The following TMEM132D variants were observed in gnomAD, a reference collection of about 807,000 sequenced individuals.
TMEM132D encodes mature OL transmembrane protein.
A neutral mutation model predicts 62.3 loss-of-function variants in TMEM132D; 21 were observed. That is an observed-to-expected ratio of 0.34 (90% CI 0.24 to 0.49). The LOEUF is 0.49. TMEM132D is among the 20% of genes least tolerant of loss of function. TMEM132D has a pLI of 0.99. For synonymous variants in TMEM132D, 621 were observed against 575.6 expected (o/e 1.08, Z -1.13); for missense variants, 1,346 against 1,402.8 (o/e 0.96, Z 0.65).
At chr12:129,244,629 T>TTTTGTTTTGA (rs1437301517) in intron 4 of TMEM132D, among the ~76,000 whole-genome samples, 3 of 148,942 alleles carry the variant, frequency 2.0e-5, no homozygotes, top group Non-Finnish European at 4.4e-5. Flanking sequence ...TTTGTTTTAT[T>TTTTGTTTTGA]TTTGTTTTGT....
intron 1 of TMEM132D, among the ~76,000 whole-genome samples, chr12:129,765,110 T>G (rs1870508594): frequency 6.6e-6 from 1 of 152,178 alleles, no homozygotes; most frequent in Non-Finnish European, 1.5e-5. Flanking sequence ...GGCCTGTGAT[T>G]ATCTAAAGGT....
intron 1 of TMEM132D, among the ~76,000 whole-genome samples, chr12:129,789,999 G>A (rs1430483371): frequency 2.0e-5 from 3 of 152,302 alleles, no homozygotes; most frequent in Admixed American, 6.5e-5. Context: ...ACCCCTTTGC[G>A]GAAGGGAACT....
At chr12:129,319,457 T>C (rs1390486736) in intron 4 of TMEM132D, among the ~76,000 whole-genome samples, 1 of 152,188 alleles carries the variant, frequency 6.6e-6, no homozygotes, top group East Asian at 1.9e-4. Context: ...ATTCGGGGTG[T>C]CTCCTGATCC....
chr12:129,634,310 G>A (rs970712148), intron 2 of TMEM132D, among the ~76,000 whole-genome samples: 3 of 124,954 alleles, frequency 2.4e-5, no homozygotes, highest in Admixed American at 1.6e-4. Flanking sequence ...CTGTCTATAC[G>A]TTAAAAAAAA....
intron 1 of TMEM132D, among the ~76,000 whole-genome samples, chr12:129,745,414 G>T (rs566866893): frequency 5.9e-5 from 9 of 152,278 alleles, no homozygotes; most frequent in African/African-American, 2.2e-4. Flanking sequence ...GATCTGGGGG[G>T]TTGATGCCTA....
intron 4 of TMEM132D, among the ~76,000 whole-genome samples, chr12:129,238,947 C>T (rs943942010): frequency 2.6e-5 from 4 of 151,376 alleles, no homozygotes; most frequent in Non-Finnish European, 5.9e-5. Context: ...ACCAATAGTG[C>T]ACAAGACTTT....
At chr12:129,181,279 C>T (rs980835588) in intron 5 of TMEM132D, among the ~76,000 whole-genome samples, 2 of 152,202 alleles carry the variant, frequency 1.3e-5, no homozygotes, top group African/African-American at 4.8e-5. Flanking sequence ...AACATCCCAT[C>T]AGTCATCAAA....
At chr12:129,159,665 G>C (rs1172771351) in intron 5 of TMEM132D, among the ~76,000 whole-genome samples, 2 of 149,374 alleles carry the variant, frequency 1.3e-5, no homozygotes, top group Admixed American at 1.4e-4. Flanking sequence ...GGTGGCTAAG[G>C]CATGAGAATC....
chr12:129,603,910 G>A (rs1878547750), intron 2 of TMEM132D, among the ~76,000 whole-genome samples: 2 of 152,144 alleles, frequency 1.3e-5, no homozygotes, highest in South Asian at 4.2e-4. Flanking sequence ...CAAAGACTTG[G>A]AACCAACCCA....
At chr12:129,783,985 C>T (rs571955369) in intron 1 of TMEM132D, among the ~76,000 whole-genome samples, 1 of 152,284 alleles carries the variant, frequency 6.6e-6, no homozygotes, top group Admixed American at 6.5e-5. Context: ...ATCCCGTTCC[C>T]TCTTCCAGCA....
intron 4 of TMEM132D, among the ~76,000 whole-genome samples, chr12:129,314,095 T>C (rs1446712906): frequency 1.3e-5 from 2 of 152,236 alleles, no homozygotes; most frequent in Non-Finnish European, 2.9e-5. Context: ...TTGTAGATTC[T>C]GGATATCAGT....
intron 1 of TMEM132D, among the ~76,000 whole-genome samples, chr12:129,714,208 T>C (rs892790248): frequency 2.6e-5 from 4 of 152,134 alleles, no homozygotes; most frequent in African/African-American, 9.7e-5. Flanking sequence ...CCTCATCCAG[T>C]CTCAACACAA....
At chr12:129,395,301 C>T (rs2135696699) in intron 3 of TMEM132D, among the ~76,000 whole-genome samples, 1 of 152,172 alleles carries the variant, frequency 6.6e-6, no homozygotes, top group South Asian at 2.1e-4. Context: ...AGCAATTTGT[C>T]AGTATTTGAT....
chr12:129,825,496 T>C (rs1018014622), intron 1 of TMEM132D, among the ~76,000 whole-genome samples: 7 of 152,164 alleles, frequency 4.6e-5, no homozygotes, highest in Non-Finnish European at 8.8e-5. Flanking sequence ...CCACCTTCCA[T>C]AATGTCCTCT....
chr12:129,714,167 C>A (rs570901618), intron 1 of TMEM132D, among the ~76,000 whole-genome samples: 2 of 152,356 alleles, frequency 1.3e-5, no homozygotes, highest in South Asian at 2.1e-4. Context: ...GAGTGCCCAT[C>A]CCCAGGCCCC....
chr12:129,737,030 C>G (rs1869449478), intron 1 of TMEM132D, among the ~76,000 whole-genome samples: 2 of 152,128 alleles, frequency 1.3e-5, no homozygotes, highest in African/African-American at 4.8e-5. Context: ...GTTGACCAGG[C>G]TGTTCCTCAA....
chr12:129,200,037 T>C (rs1453550084), intron 5 of TMEM132D, among the ~76,000 whole-genome samples: 3 of 152,096 alleles, frequency 2.0e-5, no homozygotes, highest in African/African-American at 7.2e-5. Context: ...TAAAAATCAA[T>C]AATAATGCCA....
chr12:129,474,025 A>G (rs1236709340), intron 3 of TMEM132D, among the ~76,000 whole-genome samples: 1 of 152,188 alleles, frequency 6.6e-6, no homozygotes, highest in African/African-American at 2.4e-5. Context: ...TGGGCTTTTA[A>G]ACATGCAGTG....
In TMEM132D at chr12:129,288,096, C is replaced by T. The variant is rs1444836664; in HGVS notation, c.1299+49538G>A. Among the ~76,000 whole-genome samples, 5 of 152,130 alleles carry T rather than the reference C, an allele frequency of 3.3e-5. No homozygotes were observed. In the East Asian group the frequency reaches 9.6e-4, roughly 29 times the overall value. On this transcript the variant is annotated intron_variant, in intron 4 of 8. Transcript: ENST00000422113. Reference sequence around the variant, plus strand: ...CACATGTAAAAGAATTAAATTGGACCATTATCGTGCACCATGCACAACAAC... The same window carrying T: ...CACATGTAAAAGAATTAAATTGGACTATTATCGTGCACCATGCACAACAAC...
Sources: allele counts gnomAD v4.1 joint callset (sites outside exome capture counted in the v4.1 genomes callset), GRCh38; gene constraint gnomAD v4.1.1; transcripts MANE v1.5; gene names NCBI Gene and HGNC (gene_info 2026-07-23, HGNC 2026-07-21).